The following RSF1 variants were observed in gnomAD, a reference collection of about 807,000 sequenced individuals.
The protein encoded by RSF1 is remodeling and spacing factor 1, also known as HBV pX-associated protein 8.
In RSF1, 13 loss-of-function variants were observed where a neutral mutation model predicts 145.2. The ratio of observed to expected loss-of-function variants is 0.09; its 90% confidence interval spans 0.06 to 0.14. The LOEUF (loss-of-function observed/expected upper bound fraction) is 0.14. RSF1 is among the 10% of genes least tolerant of loss of function. The pLI is 1.00. For missense variants in RSF1, 1,517 were observed against 1,718.2 expected (o/e 0.88, Z 2.07); for synonymous variants, 577 against 592.6 (o/e 0.97, Z 0.38).
At chr11:77,745,221 C>G (rs1170953070) in intron 3 of RSF1, among the ~76,000 whole-genome samples, 1 of 152,050 alleles carries the variant, frequency 6.6e-6, no homozygotes, top group African/African-American at 2.4e-5. Context: ...CAAAAACCAA[C>G]TCTTAGTTTT....
the RSF1 span, among the ~76,000 whole-genome samples, chr11:77,837,323 G>C: frequency 2.0e-5 from 3 of 152,124 alleles, no homozygotes; most frequent in African/African-American, 7.2e-5. Flanking sequence ...TTTTAGTAGA[G>C]ACAGGGTTTC....
intron 1 of RSF1, among the ~76,000 whole-genome samples, chr11:77,771,232 A>G (rs1948282453): frequency 6.6e-6 from 1 of 152,222 alleles, no homozygotes. Flanking sequence ...TGAAAAGTTC[A>G]AAGACTAGTA....
At chr11:77,734,940 G>A in intron 4 of RSF1, 1 of 1,594,276 alleles carries the variant, frequency 6.3e-7, no homozygotes, top group Non-Finnish European at 8.5e-7. Flanking sequence ...AGGAGGCACA[G>A]AGCTCTAGGT....
intron 3 of RSF1, among the ~76,000 whole-genome samples, chr11:77,743,724 T>C (rs1487669894): frequency 6.6e-6 from 1 of 152,218 alleles, no homozygotes; most frequent in Non-Finnish European, 1.5e-5. Flanking sequence ...TGTACCTAAC[T>C]GTTCTGGCTA....
At chr11:77,754,124 G>T (rs536781690) in intron 2 of RSF1, among the ~76,000 whole-genome samples, 26 of 152,246 alleles carry the variant, frequency 1.7e-4, no homozygotes, top group African/African-American at 6.3e-4. Flanking sequence ...ATGGGCAGGG[G>T]GCATTGATTG....
chr11:77,820,594 C>G lies in RSF1; in HGVS notation c.121G>C (p.Glu41Gln). 6.4e-7 allele frequency: 1 copy of G among 1,566,180 alleles called. No individual in the cohort carries two copies. Among genetic ancestry groups the G allele is most frequent in the Non-Finnish European group, 8.6e-7 (1 of 1,157,104 alleles). ...ERYGPLLDLP[E>Q]LPFPELERVL... ...CGCTCCAGCTCAGGGAACGGCAACT[C>G]AGGCAGGTCTAGCAGCGGCCCGTAG... The change falls in exon 1 of 16, where the codon GAG becomes CAG. Residue 41 changes from glutamate (E) to glutamine (Q), a missense_variant. Glu to Gln is a conservative substitution (Grantham distance 29, BLOSUM62 2). Transcript: ENST00000308488.
intron 5 of RSF1, among the ~76,000 whole-genome samples, chr11:77,705,235 A>T (rs1472044428): frequency 1.3e-5 from 2 of 152,216 alleles, no homozygotes; most frequent in Non-Finnish European, 2.9e-5. Context: ...TTGTCAAAAG[A>T]AAGTTGTAAA....
At chr11:77,813,445 TC>T in intron 1 of RSF1, 1 of 1,213,320 alleles carries the variant, frequency 8.2e-7, no homozygotes, top group Non-Finnish European at 1.2e-6. Flanking sequence ...CTGGAAAGGA[TC>T]CCACGTCTTA....
intron 2 of RSF1, chr11:77,763,500 A>G (rs1304465229): frequency 6.6e-6 from 1 of 152,194 alleles, no homozygotes; most frequent in Admixed American, 6.5e-5. Flanking sequence ...ATGTGAGACC[A>G]GACAAGTTAC....
At chr11:77,766,269 T>C (rs1270974588) in intron 1 of RSF1, among the ~76,000 whole-genome samples, 4 of 152,194 alleles carry the variant, frequency 2.6e-5, no homozygotes. Context: ...TGATCCACTA[T>C]CTTGTAGGAT....
At chr11:77,732,880 T>C (rs1354993787) in intron 4 of RSF1, among the ~76,000 whole-genome samples, 1 of 152,224 alleles carries the variant, frequency 6.6e-6, no homozygotes, top group Non-Finnish European at 1.5e-5. Flanking sequence ...TTTTATTAAT[T>C]CTAGAACTTA....
intron 5 of RSF1, among the ~76,000 whole-genome samples, chr11:77,716,616 G>A (rs1008549638): frequency 6.6e-6 from 1 of 152,172 alleles, no homozygotes; most frequent in Non-Finnish European, 1.5e-5. Flanking sequence ...GACTGAAGGT[G>A]TGGGGAGATG....
chr11:77,667,450 T>C lies in RSF1; in HGVS notation c.3793A>G (p.Lys1265Glu). ...SKNSEDDELA[K>E]ESKRSVRKRG... ...TTTCGAACTGACCGCTTTGATTCTT[T>C]AGCTAGCTCATCATCTTCAGAGTTC... Residue 1265 changes from lysine (K) to glutamate (E), a missense_variant, in exon 16 of 16, where the codon AAA (lysine) becomes GAA (glutamate). Around this residue, in one of 12 missense-constraint regions of RSF1, gnomAD observed 240 missense variants for 231.8 expected, o/e 1.04. Coordinates refer to ENST00000308488, the MANE Select transcript of RSF1 (RefSeq NM_016578.4). 1.9e-6 allele frequency: 3 copies of C among 1,613,024 alleles called. No individual in the cohort carries two copies. Among genetic ancestry groups the C allele is most frequent in the Non-Finnish European group, 2.5e-6 (3 of 1,179,970 alleles).
intron 13 of RSF1, among the ~76,000 whole-genome samples, chr11:77,675,888 T>C (rs1035988800): frequency 3.9e-5 from 6 of 152,242 alleles, no homozygotes; most frequent in African/African-American, 1.2e-4. Flanking sequence ...AACCCTTCAC[T>C]GGTTTTGTAT....
chr11:77,814,713 G>A (rs1948765591), intron 1 of RSF1, among the ~76,000 whole-genome samples: 1 of 152,124 alleles, frequency 6.6e-6, no homozygotes, highest in South Asian at 2.1e-4. Flanking sequence ...CCTAAGTGCT[G>A]GGATTACAGG....
the RSF1 span, among the ~76,000 whole-genome samples, chr11:77,862,275 G>A: frequency 6.6e-6 from 1 of 152,204 alleles, no homozygotes; most frequent in African/African-American, 2.4e-5. Flanking sequence ...TCGGGCTGCA[G>A]TTATGATGGC....
At chr11:77,702,885 A>G (rs1960459490) in intron 5 of RSF1, 1 of 154,390 alleles carries the variant, frequency 6.5e-6, no homozygotes, top group Non-Finnish European at 1.4e-5. Context: ...CAACTGTTAA[A>G]AGAACTGAGC....
chr11:77,756,561 T>C (rs1288413153), intron 2 of RSF1, among the ~76,000 whole-genome samples: 1 of 152,050 alleles, frequency 6.6e-6, no homozygotes, highest in Non-Finnish European at 1.5e-5. Flanking sequence ...TCGGATACCA[T>C]GGTGAAGAAG....
Position 77,750,452 on chromosome 11 carries a change from A to C in RSF1, c.280-3324T>G, listed in dbSNP as rs576258090. ...AATTTGAATTTCATAGAATTTTTAC[A>C]TGTCACCAAATATTATTCTTCTTTT... On this transcript the variant is annotated intron_variant, in intron 2 of 15. Transcript: ENST00000308488. 4.4e-4 allele frequency among the ~76,000 whole-genome samples: 67 copies of C among 152,350 alleles called. 1 individual carries two copies. The South Asian group carries it at 0.013, about 30-fold the overall frequency.
Sources: allele counts gnomAD v4.1 joint callset (sites outside exome capture counted in the v4.1 genomes callset), GRCh38; gene constraint gnomAD v4.1.1; regional missense constraint gnomAD v4.1.1; transcripts MANE v1.5; gene names NCBI Gene and HGNC (gene_info 2026-07-23, HGNC 2026-07-21).